Variants in FAM107B observed in about 807,000 individuals in gnomAD.
FAM107B encodes the protein protein FAM107B.
Under a neutral mutation model 31.5 loss-of-function variants are expected in FAM107B, and 21 were observed. The ratio of observed to expected loss-of-function variants is 0.67; its 90% CI spans 0.47 to 0.96. The LOEUF (loss-of-function observed/expected upper bound fraction) is 0.96. FAM107B is among the 40% of genes least tolerant of loss of function. FAM107B has a pLI of 0.00. For synonymous variants in FAM107B, 157 were observed against 141.5 expected (o/e 1.11, Z -0.78); for missense variants, 452 against 377.1 (o/e 1.20, Z -1.64).
chr10:14,765,560 A>AAATGG (rs1265862757), intron 1 of FAM107B, among the ~76,000 whole-genome samples: 1 of 152,226 alleles, frequency 6.6e-6, no homozygotes, highest in Non-Finnish European at 1.5e-5. Context: ...ATCAGGGCTG[A>AAATGG]AATGGAATGG....
Position 14,587,126 on chromosome 10 carries a change from T to C in FAM107B, c.470-56611A>G, listed in dbSNP as rs555571793. Among the ~76,000 whole-genome samples the C allele has an allele frequency of 7.9e-4, 120 of 152,226 alleles. No individual in the cohort carries two copies. The South Asian group carries it at 0.015, about 18-fold the overall frequency. On this transcript the variant is annotated intron_variant, in intron 2 of 4. Coordinates refer to ENST00000181796, the MANE Select transcript of FAM107B (RefSeq NM_031453.4). ...GCCAGGTGCTTTTCCTGCCTGATAA[T>C]AGTCACACTGCAGAGATGAGAAAAC...
At chr10:14,598,275 T>C (rs141064233) in intron 2 of FAM107B, among the ~76,000 whole-genome samples, 219 of 152,304 alleles carry the variant, frequency 1.4e-3, no homozygotes, top group African/African-American at 4.8e-3. Context: ...TCTTCCCCTA[T>C]GTTTTCTTCT....
At chr10:14,557,032 C>A (rs1196119611) in intron 2 of FAM107B, among the ~76,000 whole-genome samples, 1 of 152,170 alleles carries the variant, frequency 6.6e-6, no homozygotes, top group Non-Finnish European at 1.5e-5. Flanking sequence ...AGCGCATGAC[C>A]CTCCCAAGCC....
chr10:14,706,469 C>T (rs917408557), intron 1 of FAM107B, among the ~76,000 whole-genome samples: 1 of 152,234 alleles, frequency 6.6e-6, no homozygotes, highest in Non-Finnish European at 1.5e-5. Flanking sequence ...CTCAAGGGAT[C>T]CTCCCACCTT....
chr10:14,604,856 C>CCTCATT (rs1421457611), intron 2 of FAM107B, among the ~76,000 whole-genome samples: 2 of 151,566 alleles, frequency 1.3e-5, no homozygotes, highest in Non-Finnish European at 2.9e-5. Flanking sequence ...TCATTCTCTC[C>CCTCATT]CTCATTCTCA....
chr10:14,579,481 A>G (rs2131299991), intron 2 of FAM107B, among the ~76,000 whole-genome samples: 1 of 152,378 alleles, frequency 6.6e-6, no homozygotes, highest in South Asian at 2.1e-4. Flanking sequence ...TGAGAGGGTC[A>G]TCTCAAAACC....
intron 2 of FAM107B, among the ~76,000 whole-genome samples, chr10:14,643,800 T>C (rs1853688227): frequency 1.3e-5 from 2 of 152,190 alleles, no homozygotes; most frequent in African/African-American, 4.8e-5. Flanking sequence ...TCTGACCAAA[T>C]GTCTTGGCAC....
intron 2 of FAM107B, among the ~76,000 whole-genome samples, chr10:14,560,297 TCCC>T (rs1850126400): frequency 6.6e-6 from 1 of 152,070 alleles, no homozygotes; most frequent in Non-Finnish European, 1.5e-5. Flanking sequence ...AACTCCAAGA[TCCC>T]TTTTAAGAGT....
At chr10:14,561,679 T>G (rs1850255953) in intron 2 of FAM107B, among the ~76,000 whole-genome samples, 1 of 152,206 alleles carries the variant, frequency 6.6e-6, no homozygotes, top group South Asian at 2.1e-4. Context: ...TTTAGATCTG[T>G]AAACCTTTCC....
intron 1 of FAM107B, among the ~76,000 whole-genome samples, chr10:14,756,852 C>G (rs1832940761): frequency 6.6e-6 from 1 of 152,154 alleles, no homozygotes; most frequent in Non-Finnish European, 1.5e-5. Context: ...GAGATCATGT[C>G]ATTTGCAGGG....
chr10:14,572,737 A>AT (rs1491552685), intron 2 of FAM107B, among the ~76,000 whole-genome samples: 23 of 89,122 alleles, frequency 2.6e-4, no homozygotes, highest in South Asian at 6.2e-4. Flanking sequence ...AAAAAAAAAA[A>AT]TTTATATATA....
At chr10:14,643,775 A>C (rs1437546022) in intron 2 of FAM107B, among the ~76,000 whole-genome samples, 1 of 152,174 alleles carries the variant, frequency 6.6e-6, no homozygotes, top group Non-Finnish European at 1.5e-5. Flanking sequence ...CCTCACTGAC[A>C]CACCCAGAAT....
At chr10:14,726,317 T>C (rs1466774190) in intron 1 of FAM107B, among the ~76,000 whole-genome samples, 2 of 151,976 alleles carry the variant, frequency 1.3e-5, no homozygotes, top group East Asian at 1.9e-4. Flanking sequence ...CCGGGGAAAA[T>C]GAACACATAA....
chr10:14,614,685 A>G (rs1012004102), intron 2 of FAM107B, among the ~76,000 whole-genome samples: 12 of 151,562 alleles, frequency 7.9e-5, no homozygotes, highest in Admixed American at 6.6e-5. Flanking sequence ...TCAAAAAAAA[A>G]AAAAAAAAAA....
chr10:14,747,589 A>G lies in FAM107B; in HGVS notation c.411+26664T>C, dbSNP rs190861752. The stretch of plus-strand genomic sequence containing the variant: ...GCAGTTTGCTGGGGGTCCACTCCAG[A>G]TCCTATGCATCTGGGTTCCTCCCAC... On this transcript the variant is annotated intron_variant, in intron 1 of 4. Transcript: ENST00000181796. Among the ~76,000 whole-genome samples the G allele has an allele frequency of 6.7e-3, 1,024 of 152,220 alleles. 11 individuals are homozygous for G. Among genetic ancestry groups the G allele is most frequent in the African/African-American group, 0.024 (987 of 41,522 alleles).
intron 1 of FAM107B, among the ~76,000 whole-genome samples, chr10:14,685,647 G>A (rs776839713): frequency 1.3e-5 from 2 of 152,116 alleles, no homozygotes; most frequent in Non-Finnish European, 2.9e-5. Context: ...CAGAAAGTAG[G>A]GAAGGAGGAG....
intron 1 of FAM107B, among the ~76,000 whole-genome samples, chr10:14,742,137 G>C (rs1856454783): frequency 6.6e-6 from 1 of 151,600 alleles, no homozygotes; most frequent in Non-Finnish European, 1.5e-5. Context: ...TTTGAGAAAG[G>C]GTCTTGCTCT....
intron 1 of FAM107B, among the ~76,000 whole-genome samples, chr10:14,693,459 C>A (rs1437332596): frequency 7.2e-6 from 1 of 138,440 alleles, no homozygotes. Context: ...GCCTCGGCGA[C>A]AGAGTGACAC....
intron 2 of FAM107B, among the ~76,000 whole-genome samples, chr10:14,620,208 G>A (rs761672368): frequency 1.3e-4 from 20 of 151,764 alleles, no homozygotes; most frequent in Non-Finnish European, 1.8e-4. Context: ...TAGTAGAGAC[G>A]GGGTTTCACC....
Sources: gnomAD v4.1 joint callset for allele counts (sites outside exome capture counted in the v4.1 genomes callset) on GRCh38, gnomAD v4.1.1 for gene constraint, MANE v1.5 for transcripts, NCBI Gene and HGNC (gene_info 2026-07-23, HGNC 2026-07-21) for gene names.